The following UBE2E2 variants were observed in gnomAD, a reference collection of about 807,000 sequenced individuals.
UBE2E2 encodes ubiquitin conjugating enzyme E2 E2, also known as ubiquitin-conjugating enzyme E2 E2.
UBE2E2 carries 6 observed loss-of-function variants against 24.7 expected under a neutral mutation model. That is an observed-to-expected ratio of 0.24 (90% confidence interval 0.13 to 0.48). The LOEUF is 0.48. UBE2E2 is among the 20% of genes least tolerant of loss of function. The probability of loss-of-function intolerance (pLI) is 0.99; values close to 1 mark genes in which losing one functional copy is unlikely to be tolerated. For missense variants in UBE2E2, 169 were observed against 245.0 expected (o/e 0.69, Z 2.07); for synonymous variants, 104 against 83.6 (o/e 1.24, Z -1.33).
At chr3:23,492,337 G>A (rs1699517140) in intron 3 of UBE2E2, among the ~76,000 whole-genome samples, 1 of 152,182 alleles carries the variant, frequency 6.6e-6, no homozygotes, top group African/African-American at 2.4e-5. Context: ...GATTGCTAAA[G>A]CTTTTGAAAA....
At chr3:23,291,896 T>TC (rs1455850918) in intron 3 of UBE2E2, among the ~76,000 whole-genome samples, 83 of 139,442 alleles carry the variant, frequency 6.0e-4, no homozygotes, top group South Asian at 1.9e-3. Flanking sequence ...TCTCGCTCTT[T>TC]GGCCCAGGCC....
intron 3 of UBE2E2, among the ~76,000 whole-genome samples, chr3:23,272,106 C>T (rs1359586332): frequency 6.6e-6 from 1 of 152,158 alleles, no homozygotes; most frequent in Non-Finnish European, 1.5e-5. Flanking sequence ...AGGCTCGGTC[C>T]ATGCTGGAGC....
chr3:23,553,735 A>G (rs953014810), intron 5 of UBE2E2, among the ~76,000 whole-genome samples: 3 of 152,192 alleles, frequency 2.0e-5, no homozygotes, highest in African/African-American at 7.2e-5. Context: ...AGAAAAGTCC[A>G]TGGCATTTCT....
At chr3:23,491,819 A>G (rs961895521) in intron 3 of UBE2E2, among the ~76,000 whole-genome samples, 7 of 152,204 alleles carry the variant, frequency 4.6e-5, no homozygotes, top group African/African-American at 1.7e-4. Flanking sequence ...GGGAAGCACA[A>G]CTGGAGGCAG....
chr3:23,399,577 T>C (rs1052712161), intron 3 of UBE2E2, among the ~76,000 whole-genome samples: 1 of 152,216 alleles, frequency 6.6e-6, no homozygotes, highest in African/African-American at 2.4e-5. Flanking sequence ...TAAATTAGTA[T>C]ATGAACTGTT....
At chr3:23,322,081 A>G (rs1694753772) in intron 3 of UBE2E2, among the ~76,000 whole-genome samples, 4 of 152,204 alleles carry the variant, frequency 2.6e-5, no homozygotes, top group Non-Finnish European at 5.9e-5. Context: ...TAGAAGAAAA[A>G]CTTAAGTGGT....
intron 3 of UBE2E2, among the ~76,000 whole-genome samples, chr3:23,293,023 A>G (rs1157989768): frequency 1.3e-5 from 2 of 152,188 alleles, no homozygotes; most frequent in African/African-American, 2.4e-5. Context: ...CAGTGAGCCA[A>G]GATTGCACCA....
intron 4 of UBE2E2, among the ~76,000 whole-genome samples, chr3:23,505,727 TG>T (rs1694434645): frequency 6.6e-6 from 1 of 152,332 alleles, no homozygotes; most frequent in East Asian, 1.9e-4. Flanking sequence ...TTTATGGGTT[TG>T]TTTGTTGTTA....
chr3:23,403,071 G>C (rs78814038), intron 3 of UBE2E2, among the ~76,000 whole-genome samples: 2,153 of 152,242 alleles, frequency 0.014, 52 homozygotes, highest in African/African-American at 0.049. Flanking sequence ...ATTGGATCTT[G>C]CTATGTAAAT....
chr3:23,420,283 G>A (rs1559378657), intron 3 of UBE2E2, among the ~76,000 whole-genome samples: 1 of 152,168 alleles, frequency 6.6e-6, no homozygotes, highest in African/African-American at 2.4e-5. Flanking sequence ...GGTATATATG[G>A]ATCAGATTGC....
intron 3 of UBE2E2, among the ~76,000 whole-genome samples, chr3:23,234,176 G>A (rs1697039148): frequency 6.6e-6 from 1 of 150,774 alleles, no homozygotes; most frequent in South Asian, 2.1e-4. Flanking sequence ...GTTGCACATG[G>A]TTTCTGTCAT....
intron 3 of UBE2E2, among the ~76,000 whole-genome samples, chr3:23,456,465 A>G (rs1284860844): frequency 6.6e-6 from 1 of 152,204 alleles, no homozygotes; most frequent in African/African-American, 2.4e-5. Context: ...GTATTTCTTC[A>G]ATAATAACAC....
intron 3 of UBE2E2, among the ~76,000 whole-genome samples, chr3:23,442,374 T>G (rs1698328186): frequency 6.6e-6 from 1 of 151,704 alleles, no homozygotes; most frequent in African/African-American, 2.4e-5. Flanking sequence ...AAAGGACTTG[T>G]CTGGCTTCTT....
At chr3:23,390,942 A>G (rs1392083948) in intron 3 of UBE2E2, among the ~76,000 whole-genome samples, 2 of 152,244 alleles carry the variant, frequency 1.3e-5, no homozygotes, top group Non-Finnish European at 2.9e-5. Context: ...TAAATAAGTA[A>G]TAATGTAGAT....
intron 4 of UBE2E2, among the ~76,000 whole-genome samples, chr3:23,518,170 G>A (rs60430884): frequency 6.6e-6 from 1 of 151,864 alleles, no homozygotes; most frequent in Non-Finnish European, 1.5e-5. Flanking sequence ...TTTGGAAGCC[G>A]TGGAATGTGA....
rs577939231 is a variant in UBE2E2, at chr3:23,316,874, C to T, written c.227+99562C>T. On this transcript the variant is annotated intron_variant, in intron 3 of 5. Coordinates refer to ENST00000396703, the MANE Select transcript of UBE2E2 (RefSeq NM_152653.4). ...TCAAGGCAGTGGGCTCACTTCTGAC[C>T]CAGGATATGTCTAGAAATGTCATCC... Among the ~76,000 whole-genome samples the T allele has an allele frequency of 6.6e-5, 10 of 152,074 alleles. No homozygotes were observed. The East Asian group carries it at 1.8e-3, about 27-fold the overall frequency.
intron 3 of UBE2E2, among the ~76,000 whole-genome samples, chr3:23,348,703 A>T (rs1485885747): frequency 6.6e-6 from 1 of 152,100 alleles, no homozygotes; most frequent in Non-Finnish European, 1.5e-5. Context: ...GGCCCTGAGG[A>T]GGGAATAAGT....
intron 5 of UBE2E2, among the ~76,000 whole-genome samples, chr3:23,572,211 T>C (rs1696246112): frequency 6.6e-6 from 1 of 152,194 alleles, no homozygotes; most frequent in African/African-American, 2.4e-5. Flanking sequence ...CACACACTGT[T>C]ATGTCTTTTG....
At chr3:23,494,892 C>T (rs1213655028) in intron 3 of UBE2E2, among the ~76,000 whole-genome samples, 1 of 151,904 alleles carries the variant, frequency 6.6e-6, no homozygotes, top group Non-Finnish European at 1.5e-5. Flanking sequence ...TCAGATACTC[C>T]TCCCGAGTAG....
Sources: gnomAD v4.1 joint callset for allele counts (sites outside exome capture counted in the v4.1 genomes callset) on GRCh38, gnomAD v4.1.1 for gene constraint, MANE v1.5 for transcripts, NCBI Gene and HGNC (gene_info 2026-07-23, HGNC 2026-07-21) for gene names.